Variants in SLCO3A1 observed in about 807,000 individuals in gnomAD.
SLCO3A1 encodes the protein PGE1 transporter.
Under a neutral mutation model 63.1 loss-of-function variants are expected in SLCO3A1, and 27 were observed. The ratio of observed to expected loss-of-function variants is 0.43; its 90% CI spans 0.32 to 0.59. The LOEUF is 0.59. SLCO3A1 is among the 20% of genes least tolerant of loss of function. The probability of loss-of-function intolerance (pLI) is 0.09; values close to 1 mark genes in which losing one functional copy is unlikely to be tolerated. For synonymous variants in SLCO3A1, 473 were observed against 409.9 expected (o/e 1.15, Z -1.86); for missense variants, 773 against 945.8 (o/e 0.82, Z 2.40).
In SLCO3A1 at chr15:92,163,205, G is replaced by C; in HGVS notation, c.*70G>C. ...TTTTTTTCTTAAAAAAAGAAAAAAAGGTTCCAAAAAAAACCAAAACTCAGT... is the reference window on the plus strand; with the variant it reads ...TTTTTTTCTTAAAAAAAGAAAAAAACGTTCCAAAAAAAACCAAAACTCAGT... On this transcript the variant is annotated 3_prime_UTR_variant, in exon 10 of 10. Transcript: ENST00000318445. The C allele has an allele frequency of 2.1e-6, 3 of 1,436,782 alleles. No homozygotes were observed. Among genetic ancestry groups the C allele is most frequent in the Admixed American group, 5.3e-5 (2 of 37,700 alleles). The allele number at this position is 1,436,782 out of a possible 1,614,324, so 89.0% of individuals were successfully genotyped here.
intron 2 of SLCO3A1, among the ~76,000 whole-genome samples, chr15:91,957,334 G>T (rs1252946672): frequency 1.3e-5 from 2 of 148,890 alleles, no homozygotes; most frequent in African/African-American, 5.0e-5. Flanking sequence ...CCGCCAATGT[G>T]GTCTCAAAAG....
At chr15:92,019,991 A>G (rs955335496) in intron 2 of SLCO3A1, among the ~76,000 whole-genome samples, 2 of 152,172 alleles carry the variant, frequency 1.3e-5, no homozygotes, top group African/African-American at 4.8e-5. Context: ...GGGAAGCGAC[A>G]TGGATACAGA....
At chr15:91,884,572 T>C (rs1057011885) in intron 1 of SLCO3A1, among the ~76,000 whole-genome samples, 20 of 151,784 alleles carry the variant, frequency 1.3e-4, no homozygotes, top group African/African-American at 4.8e-4. Context: ...TTTTCTAATA[T>C]TAAATTGTTT....
intron 1 of SLCO3A1, among the ~76,000 whole-genome samples, chr15:91,889,760 C>T (rs559734363): frequency 3.2e-4 from 48 of 152,306 alleles, no homozygotes; most frequent in Admixed American, 2.5e-3. Context: ...TGCTCTTTTT[C>T]CATAGGTTGT....
chr15:92,135,778 C>T (rs1199198200), intron 7 of SLCO3A1, among the ~76,000 whole-genome samples: 1 of 152,198 alleles, frequency 6.6e-6, no homozygotes, highest in Non-Finnish European at 1.5e-5. Flanking sequence ...GCTATTAGAA[C>T]ATCAGGTGCA....
At chr15:92,127,619 T>C (rs1399373033) in intron 6 of SLCO3A1, among the ~76,000 whole-genome samples, 1 of 152,148 alleles carries the variant, frequency 6.6e-6, no homozygotes, top group Non-Finnish European at 1.5e-5. Context: ...ATGATCAGAG[T>C]AAAGAAGAGA....
At chr15:92,026,577 T>G (rs2046576411) in intron 2 of SLCO3A1, among the ~76,000 whole-genome samples, 1 of 152,228 alleles carries the variant, frequency 6.6e-6, no homozygotes, top group South Asian at 2.1e-4. Context: ...CCCTAAGGGT[T>G]CTATGATTTC....
rs780933372 is a variant in SLCO3A1, at chr15:92,126,147, A to G, written c.1261A>G (p.Ile421Val). ...KKLSLSALGA[I>V]RMAMLVNLVS... is the part of the protein sequence containing the mutation. ...GCTCAGCCTGTCTGCCCTGGGGGCCATTCGGATGGCCATGCTCGTCAACCT... is the reference window on the plus strand; with the variant it reads ...GCTCAGCCTGTCTGCCCTGGGGGCCGTTCGGATGGCCATGCTCGTCAACCT... The change falls in exon 6 of 10, where the codon ATT becomes GTT. Residue 421 changes from isoleucine to valine, a missense_variant. Ile to Val is a conservative substitution (Grantham distance 29). Around this residue, in one of 3 missense-constraint regions of SLCO3A1, gnomAD observed 565 missense variants for 749.8 expected, o/e 0.75. Coordinates refer to ENST00000318445, the MANE Select transcript of SLCO3A1 (RefSeq NM_013272.4). 8 of 1,613,912 alleles carry G rather than the reference A, an allele frequency of 5.0e-6. No homozygotes were observed. The highest frequency in any genetic ancestry group is 4.4e-5 in the South Asian group (4 of 91,068).
chr15:92,091,145 G>C (rs1358385259), intron 2 of SLCO3A1, among the ~76,000 whole-genome samples: 1 of 152,210 alleles, frequency 6.6e-6, no homozygotes, highest in African/African-American at 2.4e-5. Flanking sequence ...TTTCCGCTGT[G>C]AAACAGGCCC....
chr15:91,868,234 T>C (rs1328682607), intron 1 of SLCO3A1, among the ~76,000 whole-genome samples: 1 of 151,916 alleles, frequency 6.6e-6, no homozygotes, highest in Non-Finnish European at 1.5e-5. Flanking sequence ...GTATTTTTAG[T>C]AGAGTTGGGG....
chr15:92,031,857 G>T (rs999420928), intron 2 of SLCO3A1, among the ~76,000 whole-genome samples: 1 of 129,232 alleles, frequency 7.7e-6, no homozygotes. Flanking sequence ...AATTACTGTT[G>T]TAGTTGCCTT....
At chr15:92,015,785 C>G (rs1222187351) in intron 2 of SLCO3A1, among the ~76,000 whole-genome samples, 1 of 152,110 alleles carries the variant, frequency 6.6e-6, no homozygotes, top group African/African-American at 2.4e-5. Flanking sequence ...CTGGTGGGGC[C>G]CAGGCTCTGA....
chr15:92,090,050 T>A (rs1168253313), intron 2 of SLCO3A1, among the ~76,000 whole-genome samples: 2 of 152,158 alleles, frequency 1.3e-5, no homozygotes, highest in Non-Finnish European at 2.9e-5. Flanking sequence ...ATATATATAT[T>A]TTAGTCATAA....
At chr15:92,050,862 G>T (rs1409298366) in intron 2 of SLCO3A1, among the ~76,000 whole-genome samples, 2 of 152,038 alleles carry the variant, frequency 1.3e-5, no homozygotes, top group Non-Finnish European at 2.9e-5. Context: ...TAGCCTCCTG[G>T]CCCCTCTTGC....
At chr15:91,887,774 T>A (rs950456000) in intron 1 of SLCO3A1, among the ~76,000 whole-genome samples, 1 of 152,224 alleles carries the variant, frequency 6.6e-6, no homozygotes, top group Non-Finnish European at 1.5e-5. Context: ...GTTTAAAATA[T>A]CATTCTGCTA....
intron 2 of SLCO3A1, among the ~76,000 whole-genome samples, chr15:92,029,120 C>T (rs940694489): frequency 6.6e-6 from 1 of 152,124 alleles, no homozygotes; most frequent in South Asian, 2.1e-4. Context: ...AATGGAATCT[C>T]TTCTGGGAAA....
chr15:91,986,195 C>T (rs977811675), intron 2 of SLCO3A1, among the ~76,000 whole-genome samples: 2 of 152,128 alleles, frequency 1.3e-5, no homozygotes, highest in Non-Finnish European at 1.5e-5. Flanking sequence ...TTGCCCTTTC[C>T]TCGGCTACTG....
At chr15:91,984,287 A>C (rs2046023254) in intron 2 of SLCO3A1, among the ~76,000 whole-genome samples, 1 of 152,178 alleles carries the variant, frequency 6.6e-6, no homozygotes, top group Non-Finnish European at 1.5e-5. Context: ...GATAAAGTTA[A>C]ATTTAACCTC....
rs761396691 is a variant in SLCO3A1 at position 91,941,222 on chromosome 15, C to G, written c.646+24764C>G. ...AGTAGGCTTGTTTCACTGGCCTGGC[C>G]GGAAGGTTGTAGTGTTCTCCTGAGA... On this transcript the variant is annotated intron_variant, in intron 2 of 9. Transcript: ENST00000318445. This position sits in a 1 kb window ranked among gnomAD's most constrained non-coding sequence, Gnocchi z 4.4. The G allele has an allele frequency of 5.1e-5, 9 of 175,336 alleles. No homozygotes were observed. The highest frequency in any genetic ancestry group is 8.5e-5 in the Non-Finnish European group (7 of 82,364). The allele number at this position is 175,336 out of a possible 1,614,324, so 10.9% of individuals were successfully genotyped here.
Sources: allele counts gnomAD v4.1 joint callset (sites outside exome capture counted in the v4.1 genomes callset), GRCh38; gene constraint gnomAD v4.1.1; regional missense constraint gnomAD v4.1.1; non-coding constraint Gnocchi (gnomAD v3.1); transcripts MANE v1.5; gene names NCBI Gene and HGNC (gene_info 2026-07-23, HGNC 2026-07-21).